Variants in VWC2 observed in about 807,000 individuals in gnomAD.
VWC2 encodes brorin.
VWC2 carries 14 observed loss-of-function variants against 29.8 expected under a neutral mutation model. The ratio of observed to expected loss-of-function variants is 0.47; its 90% CI spans 0.31 to 0.74. The LOEUF (loss-of-function observed/expected upper bound fraction) is 0.74, where lower values mean the gene tolerates loss of function less well. Among genes scored for constraint, VWC2 ranks in the 30% least tolerant of loss-of-function variants. The pLI is 0.05. For missense variants in VWC2, 457 were observed against 459.8 expected (o/e 0.99, Z 0.05); for synonymous variants, 213 against 199.0 (o/e 1.07, Z -0.59).
At chr7:49,884,923 C>A (rs1186547505) in intron 3 of VWC2, among the ~76,000 whole-genome samples, 2 of 151,988 alleles carry the variant, frequency 1.3e-5, no homozygotes, top group Non-Finnish European at 2.9e-5. Context: ...AAACTAATTC[C>A]TTGACCAATG....
intron 3 of VWC2, among the ~76,000 whole-genome samples, chr7:49,825,435 T>C (rs542184345): frequency 2.0e-5 from 3 of 152,338 alleles, no homozygotes; most frequent in East Asian, 1.9e-4. Context: ...TTGTTGTTTC[T>C]TCTGAGGATT....
chr7:49,806,178 C>T (rs1046036877), intron 3 of VWC2, among the ~76,000 whole-genome samples: 1 of 152,020 alleles, frequency 6.6e-6, no homozygotes, highest in African/African-American at 2.4e-5. Context: ...GTGCACAGCA[C>T]CCATTCCGAT....
intron 3 of VWC2, among the ~76,000 whole-genome samples, chr7:49,892,746 CA>C (rs1458017783): frequency 6.6e-6 from 1 of 152,224 alleles, no homozygotes; most frequent in African/African-American, 2.4e-5. Context: ...GAGACAGTGA[CA>C]TTTTTTTACT....
At chr7:49,838,283 G>T (rs1344310504) in intron 3 of VWC2, among the ~76,000 whole-genome samples, 2 of 152,220 alleles carry the variant, frequency 1.3e-5, no homozygotes, top group East Asian at 1.9e-4. Context: ...TTTCTCACTT[G>T]AGATTCTTGA....
intron 3 of VWC2, among the ~76,000 whole-genome samples, chr7:49,836,927 C>A (rs926349735): frequency 6.6e-6 from 1 of 152,120 alleles, no homozygotes; most frequent in Admixed American, 6.5e-5. Flanking sequence ...CCACCTTTTT[C>A]CTACCCTTGA....
chr7:49,883,283 G>T (rs190232324), intron 3 of VWC2, among the ~76,000 whole-genome samples: 1 of 152,174 alleles, frequency 6.6e-6, no homozygotes, highest in Non-Finnish European at 1.5e-5. Flanking sequence ...GCGAATCCAG[G>T]GCACTGCCAT....
chr7:49,888,938 A>C (rs1248533417), intron 3 of VWC2, among the ~76,000 whole-genome samples: 2 of 152,086 alleles, frequency 1.3e-5, no homozygotes, highest in Non-Finnish European at 2.9e-5. Flanking sequence ...AAAACAAAAA[A>C]AAACAAAAGA....
chr7:49,796,349 T>C (rs1788589541), intron 2 of VWC2, among the ~76,000 whole-genome samples: 1 of 152,202 alleles, frequency 6.6e-6, no homozygotes. Context: ...GCATTCAGCC[T>C]GGAATTACTC....
intron 3 of VWC2, among the ~76,000 whole-genome samples, chr7:49,886,145 A>T (rs1791895802): frequency 6.6e-6 from 1 of 152,216 alleles, no homozygotes; most frequent in Non-Finnish European, 1.5e-5. Context: ...AAGTACAGAT[A>T]AGGAAGCATC....
At chr7:49,815,044 G>T (rs1207906560) in intron 3 of VWC2, among the ~76,000 whole-genome samples, 1 of 152,160 alleles carries the variant, frequency 6.6e-6, no homozygotes, top group Non-Finnish European at 1.5e-5. Flanking sequence ...TTTTCAGATT[G>T]TTGGAGAAAA....
intron 3 of VWC2, among the ~76,000 whole-genome samples, chr7:49,911,104 T>C (rs958983055): frequency 1.3e-5 from 2 of 152,194 alleles, no homozygotes; most frequent in Non-Finnish European, 2.9e-5. Context: ...TTTCTGTGAG[T>C]ATTTAGAATT....
chr7:49,894,046 G>A (rs1792259143), intron 3 of VWC2, among the ~76,000 whole-genome samples: 1 of 152,168 alleles, frequency 6.6e-6, no homozygotes, highest in African/African-American at 2.4e-5. Context: ...CCTAGTCCTG[G>A]ATGGAAGGGG....
chr7:49,839,840 A>G lies in VWC2; in HGVS notation c.826+37000A>G, dbSNP rs150041922. On this transcript the variant is annotated intron_variant, in intron 3 of 3. Coordinates refer to ENST00000340652, the MANE Select transcript of VWC2 (RefSeq NM_198570.5). ...CACATGTTTCAAATCGTGACGTCCC[A>G]TGTCTCTAGAGCCTAAAGTTAGAAG... Among the ~76,000 whole-genome samples, 586 of 152,368 alleles carry G rather than the reference A, an allele frequency of 3.8e-3. 2 individuals are homozygous for G. Among genetic ancestry groups the G allele is most frequent in the African/African-American group, 0.014 (572 of 41,594 alleles).
At chr7:49,815,318 G>T in intron 3 of VWC2, among the ~76,000 whole-genome samples, 1 of 152,160 alleles carries the variant, frequency 6.6e-6, no homozygotes, top group East Asian at 1.9e-4. Flanking sequence ...GCATCACAAT[G>T]TATATGGCCT....
intron 2 of VWC2, among the ~76,000 whole-genome samples, chr7:49,778,040 G>C (rs1788088203): frequency 6.6e-6 from 1 of 150,666 alleles, no homozygotes; most frequent in African/African-American, 2.5e-5. Flanking sequence ...GTAGCACTTT[G>C]ATCTAGTAAG....
At chr7:49,792,768 A>G (rs1788494572) in intron 2 of VWC2, among the ~76,000 whole-genome samples, 1 of 152,170 alleles carries the variant, frequency 6.6e-6, no homozygotes, top group African/African-American at 2.4e-5. Context: ...TGTTGGAGTC[A>G]CTGCACAGCC....
intron 3 of VWC2, among the ~76,000 whole-genome samples, chr7:49,891,509 C>T (rs1385262955): frequency 6.6e-6 from 1 of 152,076 alleles, no homozygotes; most frequent in Non-Finnish European, 1.5e-5. Context: ...TCAAAAGACA[C>T]ATATTAGCAG....
intron 2 of VWC2, among the ~76,000 whole-genome samples, chr7:49,776,442 T>C (rs1788056150): frequency 6.6e-6 from 1 of 152,194 alleles, no homozygotes; most frequent in Non-Finnish European, 1.5e-5. Context: ...AATGTACTGC[T>C]CCTAATTTGG....
chr7:49,835,632 A>G (rs1167250709), intron 3 of VWC2, among the ~76,000 whole-genome samples: 1 of 152,252 alleles, frequency 6.6e-6, no homozygotes. Flanking sequence ...CTTGGAGCCT[A>G]TGAAGAAATG....
Sources: allele counts gnomAD v4.1 joint callset (sites outside exome capture counted in the v4.1 genomes callset), GRCh38; gene constraint gnomAD v4.1.1; transcripts MANE v1.5; gene names NCBI Gene and HGNC (gene_info 2026-07-23, HGNC 2026-07-21).